The following VPS13A variants were observed in gnomAD, a reference collection of about 807,000 sequenced individuals.
VPS13A encodes the protein vacuolar protein sorting 13 homolog A.
A neutral mutation model predicts 390.9 loss-of-function variants in VPS13A; 264 were observed. The ratio of observed to expected loss-of-function variants is 0.68; its 90% CI spans 0.61 to 0.75. VPS13A has a LOEUF of 0.75. Ranked by LOEUF, VPS13A falls within the 30% of genes least tolerant of loss-of-function variation. The pLI, the probability that VPS13A is intolerant of heterozygous loss-of-function variation, is 0.00. For missense variants in VPS13A, 3,409 were observed against 3,733.9 expected (o/e 0.91, Z 2.27); for synonymous variants, 1,231 against 1,227.1 (o/e 1.00, Z -0.07).
chr9:77,323,280 A>G, intron 45 of VPS13A, 53 bp downstream of exon 45: 1 of 1,588,146 alleles, frequency 6.3e-7, no homozygotes, highest in African/African-American at 1.3e-5. Flanking sequence ...CTGTGTGCTA[A>G]TAAAATTAAA....
At chr9:77,299,620 C>T (rs1392392537) in intron 33 of VPS13A, among the ~76,000 whole-genome samples, 1 of 152,152 alleles carries the variant, frequency 6.6e-6, no homozygotes, top group Non-Finnish European at 1.5e-5. Flanking sequence ...AAGACACATG[C>T]ACACGTATGT....
Position 77,213,275 on chromosome 9 carries a change from G to A in VPS13A, c.657G>A (p.Lys219=), listed in dbSNP as rs1826074274. 1 of 1,613,726 alleles carries A rather than the reference G, an allele frequency of 6.2e-7. No individual in the cohort carries two copies. Among genetic ancestry groups the A allele is most frequent in the Non-Finnish European group, 8.5e-7 (1 of 1,179,848 alleles). Residue 219 remains lysine, a synonymous_variant, in exon 9 of 72, where the codon AAG becomes AAA. Transcript: ENST00000360280. The part of the protein sequence containing the change: ...LDNLFAYWNV[K]SQMFYLSDYD... ...ACCTGTTTGCCTATTGGAATGTGAA[G>A]TCTCAGATGTTTTATCTTAGTGATT...
At chr9:77,387,867 T>G (rs931876910) in intron 68 of VPS13A, among the ~76,000 whole-genome samples, 23 of 141,330 alleles carry the variant, frequency 1.6e-4, no homozygotes, top group African/African-American at 5.6e-4. Context: ...GACATCAATA[T>G]TCAATGTGAA....
At chr9:77,199,266 G>T (rs62573166) in intron 1 of VPS13A, among the ~76,000 whole-genome samples, 1 of 151,920 alleles carries the variant, frequency 6.6e-6, no homozygotes. Context: ...TTCTAGGCTT[G>T]TGTGATCCTC....
rs771367677 is a variant in VPS13A at position 77,358,325 on chromosome 9, A to G, written c.7954-32A>G. 1.3e-5 allele frequency: 19 copies of G among 1,516,008 alleles called. No individual in the cohort carries two copies. In the Admixed American group the frequency reaches 1.7e-4, roughly 13 times the overall value. 93.9% of individuals were successfully genotyped at this position (1,516,008 alleles called of 1,614,324 possible). On this transcript the variant is annotated intron_variant, in intron 56 of 71. Transcript: ENST00000360280. ...TCTGGTCAGGTTGTATAATTGACAT[A>G]TTAATATACTGATGTGTTTTTATTT... is the stretch of plus-strand genomic sequence containing the variant.
intron 20 of VPS13A, 125 bp from the exon 21 acceptor site, chr9:77,249,972 A>G: frequency 1.9e-6 from 2 of 1,054,660 alleles, no homozygotes; most frequent in Non-Finnish European, 1.4e-6. Context: ...TAATAGCCTT[A>G]TTATGTATGC....
intron 45 of VPS13A, 31 bp from the exon 46 acceptor site, chr9:77,331,979 A>G (rs1830298120): frequency 7.0e-7 from 1 of 1,434,750 alleles, no homozygotes; most frequent in Admixed American, 1.7e-5. Context: ...TAGATTAATG[A>G]TACTAAATAT....
At position 77,351,208 on chromosome 9, in the gene VPS13A, G is replaced by C; in HGVS notation, c.7290-109G>C. The C allele has an allele frequency of 2.8e-6, 4 of 1,424,866 alleles. No homozygotes were observed. The South Asian group carries it at 3.5e-5, about 13-fold the overall frequency. The allele number at this position is 1,424,866 out of a possible 1,614,324, so 88.3% of individuals were successfully genotyped here. On this transcript the variant is annotated intron_variant, in intron 52 of 71. Transcript: ENST00000360280. Reference sequence around the variant, plus strand: ...ATTTCAGCCTTGTTTTAATCAGAACGATCACAGATCTCAGTGAACTAAGAA... The same window carrying C: ...ATTTCAGCCTTGTTTTAATCAGAACCATCACAGATCTCAGTGAACTAAGAA...
chr9:77,339,959 C>CT, intron 48 of VPS13A, 48 bp downstream of exon 48: 3 of 1,589,376 alleles, frequency 1.9e-6, no homozygotes, highest in Non-Finnish European at 2.6e-6. Flanking sequence ...CTACTTGTCA[C>CT]TTTTTAGTTT....
intron 23 of VPS13A, among the ~76,000 whole-genome samples, chr9:77,263,603 A>C (rs2131302053): frequency 6.6e-6 from 1 of 151,908 alleles, no homozygotes; most frequent in Admixed American, 6.6e-5. Flanking sequence ...TTGGTTTCTT[A>C]CTTGTAAATT....
chr9:77,283,744 T>G (rs1827174712), intron 31 of VPS13A, 94 bp downstream of exon 31: 1 of 1,052,104 alleles, frequency 9.5e-7, no homozygotes, highest in Non-Finnish European at 1.4e-6. Flanking sequence ...TGTCAGAATT[T>G]AGTAGTATGG....
At chr9:77,387,614 T>C (rs1439321495) in intron 68 of VPS13A, among the ~76,000 whole-genome samples, 1 of 152,188 alleles carries the variant, frequency 6.6e-6, no homozygotes, top group Non-Finnish European at 1.5e-5. Flanking sequence ...AATCTAAGCC[T>C]GTAAATGAAA....
intron 50 of VPS13A, 133 bp downstream of exon 50, chr9:77,340,683 T>A: frequency 9.2e-7 from 1 of 1,082,550 alleles, no homozygotes; most frequent in Non-Finnish European, 1.4e-6. Context: ...GAATCTTTAT[T>A]GAATATTTGT....
At chr9:77,210,742 T>G in intron 7 of VPS13A, 67 bp downstream of exon 7, 1 of 1,487,576 alleles carries the variant, frequency 6.7e-7, no homozygotes, top group Non-Finnish European at 9.4e-7. Context: ...ACTGCTACTA[T>G]TTGTATATGC....
At chr9:77,328,887 C>G (rs1258659905) in intron 45 of VPS13A, among the ~76,000 whole-genome samples, 1 of 152,162 alleles carries the variant, frequency 6.6e-6, no homozygotes, top group East Asian at 1.9e-4. Flanking sequence ...GTTTAATTAA[C>G]TCATAGTGCA....
chr9:77,204,691 A>T (rs1359178024), intron 3 of VPS13A, among the ~76,000 whole-genome samples: 3 of 152,152 alleles, frequency 2.0e-5, no homozygotes, highest in Non-Finnish European at 4.4e-5. Context: ...CAGTAGCATG[A>T]TCATGGCTCA....
chr9:77,242,112 A>G (rs137863483), intron 19 of VPS13A, among the ~76,000 whole-genome samples: 1 of 152,264 alleles, frequency 6.6e-6, no homozygotes, highest in Non-Finnish European at 1.5e-5. Context: ...CTGGGAGTAC[A>G]CTTCTAATTG....
In VPS13A at chr9:77,316,382, C is replaced by A; in HGVS notation, c.4839C>A (p.Val1613=). ...LQVRACPFLP[V]KRKGKITTVL... ...TGAGAGCCTGCCCGTTTCTTCCAGT[C>A]AAGAGAAAAGGCAAAATCACTACTG... is the stretch of plus-strand genomic sequence containing the variant. Residue 1613 remains valine, a synonymous_variant, in exon 39 of 72, where the codon GTC becomes GTA. Transcript: ENST00000360280. 1 of 1,612,874 alleles carries A rather than the reference C, an allele frequency of 6.2e-7. No individual in the cohort carries two copies. Among genetic ancestry groups the A allele is most frequent in the East Asian group, 2.2e-5 (1 of 44,790 alleles).
In VPS13A at chr9:77,363,400, TTTTA is replaced by T. The variant is rs1167733799; in HGVS notation, c.8212-2056_8212-2053del. Among the ~76,000 whole-genome samples, 286 of 93,488 alleles carry T rather than the reference TTTTA, an allele frequency of 3.1e-3. 10 individuals carry two copies. Among genetic ancestry groups the T allele is most frequent in the East Asian group, 0.017 (67 of 3,890 alleles). 61.3% of individuals were successfully genotyped at this position (93,488 alleles called of 152,430 possible). On this transcript the variant is annotated intron_variant, in intron 59 of 71. Transcript: ENST00000360280. The stretch of plus-strand genomic sequence containing the variant: ...TGTTTTATTACATTAATTTTTTTTT[TTTTA>T]TTTTTTTTTTTTTTTGAGACCTAGG...
Sources: gnomAD v4.1 joint callset for allele counts (sites outside exome capture counted in the v4.1 genomes callset) on GRCh38, gnomAD v4.1.1 for gene constraint, MANE v1.5 for transcripts, NCBI Gene and HGNC (gene_info 2026-07-23, HGNC 2026-07-21) for gene names.